SRD5A1: variants seen among roughly 807,000 people sequenced by gnomAD.
SRD5A1 encodes the protein 3-oxo-5-alpha-steroid 4-dehydrogenase 1.
Under a neutral mutation model 28.2 loss-of-function variants are expected in SRD5A1, and 22 were observed. That is an observed-to-expected ratio of 0.78 (90% CI 0.56 to 1.12). The LOEUF (loss-of-function observed/expected upper bound fraction) is 1.12, where lower values mean the gene tolerates loss of function less well. Among genes scored for constraint, SRD5A1 ranks in the 50% most tolerant of loss-of-function variants. The probability of loss-of-function intolerance (pLI) is 0.00; values close to 1 mark genes in which losing one functional copy is unlikely to be tolerated. For synonymous variants in SRD5A1, 151 were observed against 135.0 expected, an observed-to-expected ratio of 1.12 and a Z score of -0.82; for missense variants, 300 against 346.7, an observed-to-expected ratio of 0.87 and a Z score of 1.07.
In SRD5A1 at chr5:6,651,971, T is replaced by C. The variant is rs758507567; in HGVS notation, c.423T>C (p.Tyr141=). The change falls in exon 2 of 5, where the codon TAT becomes TAC. Residue 141 remains tyrosine (Y), a synonymous_variant. Transcript: ENST00000274192. ...GATACTTGAGCCATTGTGCAGTGTA[T>C]GCTGATGACTGGGTAACAGATCCCC... ...QSRYLSHCAV[Y]ADDWVTDPRF... 5.0e-6 allele frequency: 8 copies of C among 1,614,090 alleles called. No homozygotes were observed. The African/African-American group carries it at 1.1e-4, about 22-fold the overall frequency.
At chr5:6,650,630 C>A (rs181210919) in intron 1 of SRD5A1, among the ~76,000 whole-genome samples, 1 of 151,344 alleles carries the variant, frequency 6.6e-6, no homozygotes, top group Admixed American at 6.6e-5. Context: ...TACAACAGAA[C>A]GTGATCTTTC....
intron 4 of SRD5A1, among the ~76,000 whole-genome samples, chr5:6,666,310 G>C (rs532270753): frequency 6.6e-6 from 1 of 152,186 alleles, no homozygotes; most frequent in African/African-American, 2.4e-5. Flanking sequence ...ACCATGCCCG[G>C]CTAATTTTTT....
chr5:6,637,396 G>C (rs1738217606), intron 1 of SRD5A1, among the ~76,000 whole-genome samples: 1 of 152,050 alleles, frequency 6.6e-6, no homozygotes, highest in Admixed American at 6.6e-5. Flanking sequence ...CTTCCCCACT[G>C]GTCTTTCTCT....
At chr5:6,659,260 C>T (rs556216470) in intron 3 of SRD5A1, among the ~76,000 whole-genome samples, 1 of 152,068 alleles carries the variant, frequency 6.6e-6, no homozygotes, top group South Asian at 2.1e-4. Context: ...ACTACAGGCG[C>T]CCGCCACCAC....
At position 6,633,563 on chromosome 5, in the gene SRD5A1, G is replaced by T; in HGVS notation, c.-14G>T. 6.6e-7 allele frequency: 1 copy of T among 1,508,408 alleles called. No homozygotes were observed. Among genetic ancestry groups the T allele is most frequent in the Non-Finnish European group, 8.8e-7 (1 of 1,136,094 alleles). The allele number at this position is 1,508,408 out of a possible 1,614,324, so 93.4% of individuals were successfully genotyped here. A position where few individuals can be genotyped will look rare whatever the true frequency, so the allele number is the denominator to read the frequency against. Reference sequence around the variant, plus strand: ...CGGCCTCTGGGGCATGGAGCACGCTGCCCAGCCCTGGCGATGGCAACGGCG... The same window carrying T: ...CGGCCTCTGGGGCATGGAGCACGCTTCCCAGCCCTGGCGATGGCAACGGCG... On this transcript the variant is annotated 5_prime_UTR_variant, in exon 1 of 5. Transcript: ENST00000274192.
intron 1 of SRD5A1, chr5:6,644,964 C>T (rs1579398884): frequency 2.2e-6 from 1 of 455,966 alleles, no homozygotes; most frequent in East Asian, 7.0e-5. Flanking sequence ...ACTGCAGCTT[C>T]CAGGAGAATA....
chr5:6,673,094 A>G lies in SRD5A1; in HGVS notation c.*4826A>G, dbSNP rs1363802402. 6.6e-6 allele frequency: 1 copy of G among 152,166 alleles called. No homozygotes were observed. The highest frequency in any genetic ancestry group is 1.5e-5 in the Non-Finnish European group (1 of 68,040). The allele number at this position is 152,166 out of a possible 1,614,324, so 9.4% of individuals were successfully genotyped here. The stretch of plus-strand genomic sequence containing the variant: ...CTGGGGAGGGCATCAATTATTTCCT[A>G]TTGTTTTTAGCACCGATTGTTCTGT... On this transcript the variant is annotated 3_prime_UTR_variant, in exon 5 of 5. Transcript: ENST00000274192.
rs1160090942 is a variant in SRD5A1, at chr5:6,671,362, T to G, written c.*3094T>G. ...ACTTTTTGATGGGATTGTTTGTTTT[T>G]TTCTTACTGATTTGTTTGAGTTTGT... On this transcript the variant is annotated 3_prime_UTR_variant, in exon 5 of 5. Transcript: ENST00000274192. 2 of 152,198 alleles carry G rather than the reference T, an allele frequency of 1.3e-5. No homozygotes were observed. The highest frequency in any genetic ancestry group is 1.3e-4 in the Admixed American group (2 of 15,280). The allele number at this position is 152,198 out of a possible 1,614,324, so 9.4% of individuals were successfully genotyped here.
At chr5:6,651,575 G>A (rs909895372) in intron 1 of SRD5A1, among the ~76,000 whole-genome samples, 8 of 152,114 alleles carry the variant, frequency 5.3e-5, no homozygotes, top group East Asian at 1.9e-4. Flanking sequence ...CAGGAAGATC[G>A]CTTAAGCCCT....
intron 2 of SRD5A1, among the ~76,000 whole-genome samples, chr5:6,654,433 T>TG (rs1458529184): frequency 0.016 from 2,301 of 144,648 alleles, 59 homozygotes; most frequent in African/African-American, 0.056. Flanking sequence ...TTAAGTTTTT[T>TG]TTTTGTTTGT....
intron 1 of SRD5A1, among the ~76,000 whole-genome samples, chr5:6,644,520 T>C (rs1381469913): frequency 1.3e-5 from 2 of 152,206 alleles, no homozygotes; most frequent in African/African-American, 4.8e-5. Flanking sequence ...CCTTTTGCTC[T>C]TTGCCGCATT....
intron 1 of SRD5A1, among the ~76,000 whole-genome samples, chr5:6,642,172 AAGTT>A (rs1738381394): frequency 6.6e-6 from 1 of 152,116 alleles, no homozygotes; most frequent in Non-Finnish European, 1.5e-5. Context: ...TTGGGATTCA[AAGTT>A]AGTGTTTCCT....
chr5:6,633,970 C>T (rs1560990695), intron 1 of SRD5A1, 101 bp downstream of exon 1: 1 of 1,283,832 alleles, frequency 7.8e-7, no homozygotes, highest in African/African-American at 1.5e-5. Context: ...GCCTCCCCCA[C>T]CCAGATGCCC....
At chr5:6,664,293 G>T (rs1739095647) in intron 4 of SRD5A1, among the ~76,000 whole-genome samples, 1 of 152,174 alleles carries the variant, frequency 6.6e-6, no homozygotes, top group African/African-American at 2.4e-5. Context: ...AGATTGATAT[G>T]GTATAGTGGG....
At chr5:6,640,233 T>C (rs950960750) in intron 1 of SRD5A1, among the ~76,000 whole-genome samples, 1 of 152,190 alleles carries the variant, frequency 6.6e-6, no homozygotes, top group East Asian at 1.9e-4. Flanking sequence ...ATAGGGATAA[T>C]AGTCACAGTT....
At chr5:6,645,637 C>T (rs1738487794) in intron 1 of SRD5A1, among the ~76,000 whole-genome samples, 1 of 115,840 alleles carries the variant, frequency 8.6e-6, no homozygotes, top group Non-Finnish European at 1.8e-5. Flanking sequence ...GAAACTCCAT[C>T]TCAAAAAAAA....
At chr5:6,661,914 C>G (rs1739016353) in intron 3 of SRD5A1, among the ~76,000 whole-genome samples, 1 of 152,148 alleles carries the variant, frequency 6.6e-6, no homozygotes, top group African/African-American at 2.4e-5. Context: ...CAGTTGGAAC[C>G]TGGGGCAGAT....
chr5:6,633,842 C>G lies in SRD5A1; in HGVS notation c.266C>G (p.Ala89Gly). ...LRSAPNCILLAMFLVHYGHRC... is the reference protein window; with the variant it reads ...LRSAPNCILLGMFLVHYGHRC... ...AGCGCGCCCAACTGCATCCTCCTGG[C>G]CATGTTCCTCGTCCACTACGGGCAT... Residue 89 changes from alanine to glycine, a missense_variant, in exon 1 of 5, where the codon GCC becomes GGC. Around this residue, in one of 2 missense-constraint regions of SRD5A1, gnomAD observed 174 missense variants for 160.9 expected, o/e 1.08. Transcript: ENST00000274192. The G allele has an allele frequency of 6.3e-7, 1 of 1,597,568 alleles. No homozygotes were observed. The highest frequency in any genetic ancestry group is 8.5e-7 in the Non-Finnish European group (1 of 1,179,522).
At chr5:6,663,440 G>A (rs1245229982) in intron 4 of SRD5A1, among the ~76,000 whole-genome samples, 2 of 152,174 alleles carry the variant, frequency 1.3e-5, no homozygotes, top group African/African-American at 2.4e-5. Flanking sequence ...CTGAACCTGG[G>A]GTCCTTAATG....
Sources: allele counts gnomAD v4.1 joint callset (sites outside exome capture counted in the v4.1 genomes callset), GRCh38; gene constraint gnomAD v4.1.1; regional missense constraint gnomAD v4.1.1; transcripts MANE v1.5; gene names NCBI Gene and HGNC (gene_info 2026-07-23, HGNC 2026-07-21).